Variants in GALNTL6 observed in about 807,000 individuals in gnomAD.
GALNTL6 encodes polypeptide N-acetylgalactosaminyltransferase like 6.
GALNTL6 carries 46 observed loss-of-function variants against 73.7 expected under a neutral mutation model. The ratio of observed to expected loss-of-function variants is 0.62; its 90% CI spans 0.49 to 0.80. GALNTL6 has a LOEUF of 0.80. GALNTL6 is among the 30% of genes least tolerant of loss of function. The pLI is 0.00. For missense variants in GALNTL6, 604 were observed against 755.0 expected (o/e 0.80, Z 2.34); for synonymous variants, 259 against 263.7 (o/e 0.98, Z 0.17).
intron 2 of GALNTL6, among the ~76,000 whole-genome samples, chr4:171,994,797 G>T (rs1740440258): frequency 6.6e-6 from 1 of 151,890 alleles, no homozygotes; most frequent in African/African-American, 2.4e-5. Flanking sequence ...AAACTCAGAG[G>T]CCATAAAATA....
intron 2 of GALNTL6, among the ~76,000 whole-genome samples, chr4:172,199,192 A>G (rs758460118): frequency 7.2e-5 from 11 of 152,106 alleles, no homozygotes; most frequent in South Asian, 4.1e-4. Flanking sequence ...AAACAAATCT[A>G]TTTTCTTCTT....
intron 5 of GALNTL6, among the ~76,000 whole-genome samples, chr4:172,446,668 C>T (rs1030944892): frequency 6.6e-6 from 1 of 152,010 alleles, no homozygotes; most frequent in African/African-American, 2.4e-5. Context: ...ATGGACCTCA[C>T]CATATGATGA....
At chr4:172,431,986 A>G (rs1731474605) in intron 5 of GALNTL6, among the ~76,000 whole-genome samples, 1 of 152,162 alleles carries the variant, frequency 6.6e-6, no homozygotes, top group African/African-American at 2.4e-5. Context: ...TTCCTTTGAT[A>G]GGTATATTAA....
At chr4:173,023,555 G>T (rs983396452) in intron 12 of GALNTL6, among the ~76,000 whole-genome samples, 1 of 152,150 alleles carries the variant, frequency 6.6e-6, no homozygotes, top group Non-Finnish European at 1.5e-5. Context: ...TACTCGGGAG[G>T]CTGAGGCAGG....
intron 2 of GALNTL6, among the ~76,000 whole-genome samples, chr4:172,126,504 A>C (rs10014481): frequency 6.6e-6 from 1 of 151,944 alleles, no homozygotes; most frequent in African/African-American, 2.4e-5. Context: ...TGTAAGGGAC[A>C]CGAGGAACAC....
chr4:171,912,458 T>C (rs1430763583), intron 2 of GALNTL6, among the ~76,000 whole-genome samples: 1 of 152,200 alleles, frequency 6.6e-6, no homozygotes, highest in Non-Finnish European at 1.5e-5. Flanking sequence ...TGGGGGTAGA[T>C]GTGATATGTT....
At chr4:172,167,441 A>G (rs1444189690) in intron 2 of GALNTL6, among the ~76,000 whole-genome samples, 1 of 152,242 alleles carries the variant, frequency 6.6e-6, no homozygotes, top group Non-Finnish European at 1.5e-5. Flanking sequence ...AAATTCAGCG[A>G]AAGTTGTTGC....
chr4:172,586,559 G>A (rs886281118), intron 5 of GALNTL6, among the ~76,000 whole-genome samples: 14 of 152,154 alleles, frequency 9.2e-5, no homozygotes, highest in Non-Finnish European at 1.5e-5. Flanking sequence ...GGGCGGTGGG[G>A]AGTGAGACAT....
chr4:172,783,457 A>G (rs1315130780), intron 5 of GALNTL6, among the ~76,000 whole-genome samples: 1 of 147,630 alleles, frequency 6.8e-6, no homozygotes, highest in African/African-American at 2.5e-5. Flanking sequence ...TAATATTATA[A>G]CAATATAATA....
chr4:172,480,858 TC>T (rs1468241043), intron 5 of GALNTL6, among the ~76,000 whole-genome samples: 2 of 152,184 alleles, frequency 1.3e-5, no homozygotes, highest in African/African-American at 4.8e-5. Flanking sequence ...CCATGTGATC[TC>T]ATGTCCTCCA....
intron 2 of GALNTL6, among the ~76,000 whole-genome samples, chr4:171,834,135 T>C (rs1278201957): frequency 6.6e-6 from 1 of 152,002 alleles, no homozygotes; most frequent in African/African-American, 2.4e-5. Context: ...GCAGATGCTA[T>C]AGTGTAAAAC....
At position 172,182,910 on chromosome 4, in the gene GALNTL6, G is replaced by A. The variant is rs376277251; in HGVS notation, c.139-46746G>A. Among the ~76,000 whole-genome samples the A allele has an allele frequency of 2.0e-3, 305 of 152,096 alleles. 1 individual carries two copies. The highest frequency in any genetic ancestry group is 6.8e-3 in the African/African-American group (280 of 41,468). On this transcript the variant is annotated intron_variant, in intron 2 of 12. Transcript: ENST00000506823. ...AATATTGTGTTTTGTAATAGATTAG[G>A]TAGGGTATTATATAATTCAAAGAAC...
At chr4:172,016,109 C>A (rs959470522) in intron 2 of GALNTL6, among the ~76,000 whole-genome samples, 1 of 151,574 alleles carries the variant, frequency 6.6e-6, no homozygotes, top group African/African-American at 2.4e-5. Context: ...ATGTCTAGAT[C>A]TCTAGGAAGG....
intron 3 of GALNTL6, among the ~76,000 whole-genome samples, chr4:172,251,558 C>G (rs1005953396): frequency 6.6e-6 from 1 of 152,240 alleles, no homozygotes; most frequent in African/African-American, 2.4e-5. Flanking sequence ...TTCCCTACAT[C>G]TGGTCCTGAG....
chr4:172,289,385 C>T lies in GALNTL6; in HGVS notation c.248-22229C>T, dbSNP rs186145541. Among the ~76,000 whole-genome samples the T allele has an allele frequency of 1.8e-4, 27 of 152,294 alleles. No individual in the cohort carries two copies. In the East Asian group the frequency reaches 3.7e-3, roughly 21 times the overall value. On this transcript the variant is annotated intron_variant, in intron 3 of 12. Transcript: ENST00000506823. ...TCTCTTTCAGGGATCAGCTCCTCCT[C>T]ACATTTGAAAATATCGTAGTGTTTT... is the stretch of plus-strand genomic sequence containing the variant.
chr4:172,180,632 G>T (rs1173621719), intron 2 of GALNTL6, among the ~76,000 whole-genome samples: 1 of 152,180 alleles, frequency 6.6e-6, no homozygotes. Flanking sequence ...TGTAGAAAGT[G>T]TAAGGAAGCG....
intron 1 of GALNTL6, among the ~76,000 whole-genome samples, 172 bp downstream of exon 1, chr4:171,814,162 TAAG>T (rs1227378988): frequency 6.6e-6 from 1 of 151,980 alleles, no homozygotes. Flanking sequence ...CCTCCCACAC[TAAG>T]GAGGTGGGGG....
chr4:172,376,518 A>G (rs7656039), intron 5 of GALNTL6, among the ~76,000 whole-genome samples: 146,068 of 152,248 alleles, frequency 0.96, 70,344 homozygotes, highest in East Asian at 1. Flanking sequence ...CCGAAGAGTC[A>G]GGGGTTGTTA....
At chr4:172,781,668 G>C (rs1042116471) in intron 5 of GALNTL6, among the ~76,000 whole-genome samples, 1 of 151,854 alleles carries the variant, frequency 6.6e-6, no homozygotes, top group African/African-American at 2.4e-5. Flanking sequence ...CAAATAGAAA[G>C]AATTCAAAAT....
Sources: gnomAD v4.1 joint callset for allele counts (sites outside exome capture counted in the v4.1 genomes callset) on GRCh38, gnomAD v4.1.1 for gene constraint, MANE v1.5 for transcripts, NCBI Gene and HGNC (gene_info 2026-07-23, HGNC 2026-07-21) for gene names.